AGBL1: variants seen among roughly 807,000 people sequenced by gnomAD.
AGBL1 encodes the protein AGBL carboxypeptidase 1, also known as cytosolic carboxypeptidase 4.
AGBL1 carries 130 observed loss-of-function variants against 118.9 expected under a neutral mutation model. The ratio of observed to expected loss-of-function variants is 1.09; its 90% CI spans 0.95 to 1.26. AGBL1 has a LOEUF of 1.26. Ranked by LOEUF, AGBL1 falls within the 50% of genes most tolerant of loss-of-function variation. The probability of loss-of-function intolerance (pLI) is 0.00; values close to 1 mark genes in which losing one functional copy is unlikely to be tolerated. For synonymous variants in AGBL1, 555 were observed against 478.9 expected (o/e 1.16, Z -2.08); for missense variants, 1,584 against 1,298.1 (o/e 1.22, Z -3.38).
At chr15:86,303,104 G>C (rs2141803857) in intron 17 of AGBL1, among the ~76,000 whole-genome samples, 1 of 152,246 alleles carries the variant, frequency 6.6e-6, no homozygotes, top group East Asian at 1.9e-4. Context: ...AGACTTACTG[G>C]GGTTCAAATA....
intron 18 of AGBL1, among the ~76,000 whole-genome samples, chr15:86,491,632 T>A (rs1464159653): frequency 6.6e-6 from 1 of 152,068 alleles, no homozygotes; most frequent in Non-Finnish European, 1.5e-5. Flanking sequence ...GGGTATGGTT[T>A]TTAGAATCAG....
chr15:86,631,437 TGA>T (rs949730840), intron 21 of AGBL1, among the ~76,000 whole-genome samples: 3 of 152,332 alleles, frequency 2.0e-5, no homozygotes, highest in Non-Finnish European at 2.9e-5. Flanking sequence ...TCAGAGGGGC[TGA>T]GAGAGATTCA....
intron 17 of AGBL1, among the ~76,000 whole-genome samples, chr15:86,331,531 A>G (rs1438460018): frequency 6.6e-6 from 1 of 152,170 alleles, no homozygotes; most frequent in African/African-American, 2.4e-5. Context: ...ACTGAAGAAA[A>G]AACCTTAAAG....
intron 21 of AGBL1, among the ~76,000 whole-genome samples, chr15:86,606,126 C>CAAAAAA (rs10675845): frequency 1.2e-4 from 12 of 96,832 alleles, no homozygotes; most frequent in East Asian, 7.2e-4. Context: ...GACTCCATCT[C>CAAAAAA]AAAAAAAAAA....
chr15:86,797,541 C>T (rs1278012254), intron 22 of AGBL1, among the ~76,000 whole-genome samples: 1 of 152,216 alleles, frequency 6.6e-6, no homozygotes, highest in African/African-American at 2.4e-5. Context: ...ATAGCTCTCT[C>T]CCTATTGATC....
intron 21 of AGBL1, among the ~76,000 whole-genome samples, chr15:86,559,440 C>T (rs2083781930): frequency 6.6e-6 from 1 of 152,052 alleles, no homozygotes; most frequent in Non-Finnish European, 1.5e-5. Flanking sequence ...TTCTCTCCAC[C>T]TCATGATGAG....
intron 22 of AGBL1, among the ~76,000 whole-genome samples, chr15:86,860,214 T>G (rs905531206): frequency 6.6e-5 from 10 of 152,104 alleles, no homozygotes; most frequent in African/African-American, 2.4e-4. Context: ...AAGCCTCCCC[T>G]GTACCATGTT....
chr15:86,655,895 T>C (rs2085456114), intron 21 of AGBL1, among the ~76,000 whole-genome samples: 1 of 152,170 alleles, frequency 6.6e-6, no homozygotes, highest in South Asian at 2.1e-4. Flanking sequence ...AGATGGTTAG[T>C]GTGAGTTAGA....
At chr15:86,322,033 C>T (rs1213150984) in intron 17 of AGBL1, among the ~76,000 whole-genome samples, 1 of 150,036 alleles carries the variant, frequency 6.7e-6, no homozygotes, top group Non-Finnish European at 1.5e-5. Context: ...TGTTACCCAT[C>T]CTTTGATAAT....
chr15:86,327,209 CA>C (rs1677801639), intron 17 of AGBL1, among the ~76,000 whole-genome samples: 1 of 151,998 alleles, frequency 6.6e-6, no homozygotes, highest in African/African-American at 2.4e-5. Context: ...CGGACTGACC[CA>C]ATGTGGAGGG....
intron 5 of AGBL1, among the ~76,000 whole-genome samples, chr15:86,212,638 A>G (rs539845907): frequency 6.6e-6 from 1 of 152,206 alleles, no homozygotes; most frequent in African/African-American, 2.4e-5. Context: ...AAGAAGTGGG[A>G]TTGACAGTTA....
rs79782840 is a variant in AGBL1 at position 86,896,397 on chromosome 15, T to TA, written c.3159-10677dup. Among the ~76,000 whole-genome samples, 535 of 146,618 alleles carry TA rather than the reference T, an allele frequency of 3.6e-3. 4 individuals are homozygous for TA. The highest frequency in any genetic ancestry group is 0.011 in the African/African-American group (457 of 40,230). On this transcript the variant is annotated intron_variant, in intron 22 of 22. Coordinates refer to ENST00000614907, the MANE Select transcript of AGBL1 (RefSeq NM_001386094.1). ...AGGAGAGTTCCATATACCCTGGGTTTAAAAAAAAAAAAATACCTGCATGGT... is the reference window on the plus strand; with the variant it reads ...AGGAGAGTTCCATATACCCTGGGTTTAAAAAAAAAAAAAATACCTGCATGGT...
intron 22 of AGBL1, among the ~76,000 whole-genome samples, chr15:86,820,911 C>G (rs1193750683): frequency 6.6e-6 from 1 of 152,116 alleles, no homozygotes; most frequent in Non-Finnish European, 1.5e-5. Flanking sequence ...TTCACAATAG[C>G]AAGGACTTGG....
intron 18 of AGBL1, among the ~76,000 whole-genome samples, chr15:86,434,307 C>A (rs971976625): frequency 1.3e-5 from 2 of 152,200 alleles, no homozygotes; most frequent in African/African-American, 4.8e-5. Flanking sequence ...AAAAGGTCCA[C>A]TTGCTTTACA....
At chr15:86,883,114 C>G (rs998705422) in intron 22 of AGBL1, among the ~76,000 whole-genome samples, 3 of 152,072 alleles carry the variant, frequency 2.0e-5, no homozygotes, top group Non-Finnish European at 4.4e-5. Context: ...TAATAGATGT[C>G]AAATATTATT....
At chr15:87,029,100 T>C (rs1425546195), downstream of AGBL1, 2 of 344,120 alleles carry the variant, frequency 5.8e-6, no homozygotes, top group African/African-American at 4.2e-5. Context: ...TAACACTAGG[T>C]AAATATAATA....
At chr15:86,854,537 G>A (rs532330974) in intron 22 of AGBL1, among the ~76,000 whole-genome samples, 1 of 152,246 alleles carries the variant, frequency 6.6e-6, no homozygotes, top group East Asian at 1.9e-4. Flanking sequence ...CAAATAAACA[G>A]TCAATTTGGA....
chr15:86,238,627 T>A (rs2078592364), intron 6 of AGBL1, among the ~76,000 whole-genome samples: 1 of 152,168 alleles, frequency 6.6e-6, no homozygotes. Context: ...GAGAAAATGC[T>A]GTCAGTTACA....
At chr15:86,235,407 AT>A (rs2078523732) in intron 6 of AGBL1, among the ~76,000 whole-genome samples, 8 of 152,356 alleles carry the variant, frequency 5.3e-5, no homozygotes, top group Admixed American at 3.3e-4. Context: ...TCAAAGGTTA[AT>A]ATCCAAGGTT....
Sources: allele counts gnomAD v4.1 joint callset (sites outside exome capture counted in the v4.1 genomes callset), GRCh38; gene constraint gnomAD v4.1.1; transcripts MANE v1.5; gene names NCBI Gene and HGNC (gene_info 2026-07-23, HGNC 2026-07-21).